Variants in PLEKHA2 observed in about 807,000 individuals in gnomAD.
PLEKHA2 encodes pleckstrin homology domain-containing family A member 2.
Under a neutral mutation model 53.2 loss-of-function variants are expected in PLEKHA2, and 28 were observed. That is an observed-to-expected ratio of 0.53 (90% CI 0.39 to 0.72). The LOEUF (loss-of-function observed/expected upper bound fraction) is 0.72. Among genes scored for constraint, PLEKHA2 ranks in the 30% least tolerant of loss-of-function variants. The probability of loss-of-function intolerance (pLI) is 0.00; values close to 1 mark genes in which losing one functional copy is unlikely to be tolerated. For missense variants in PLEKHA2, 426 were observed against 537.9 expected (o/e 0.79, Z 2.06); for synonymous variants, 193 against 196.4 (o/e 0.98, Z 0.14).
At chr8:38,952,726 C>T (rs1226013130) in intron 8 of PLEKHA2, 22 bp downstream of exon 8, 3 of 1,605,700 alleles carry the variant, frequency 1.9e-6, no homozygotes, top group Middle Eastern at 1.7e-4. Flanking sequence ...CTTTGCTGCC[C>T]TTCTGAGAGG....
In PLEKHA2 at chr8:38,918,105, G is replaced by T. The variant is rs970526079; in HGVS notation, c.141+35G>T. 1.9e-6 allele frequency: 3 copies of T among 1,601,268 alleles called. No individual in the cohort carries two copies. In the African/African-American group the frequency reaches 4.0e-5, roughly 21 times the overall value. On this transcript the variant is annotated intron_variant, in intron 2 of 11. Transcript: ENST00000617275. ...TCAGTGGGAAGGGGTGGGGCGACTG[G>T]GTGCCCATCACTGCGCCAGAGGAAT... is the stretch of plus-strand genomic sequence containing the variant.
At chr8:38,952,393 G>C (rs1340388186) in intron 7 of PLEKHA2, 81 bp downstream of exon 7, 1 of 1,530,528 alleles carries the variant, frequency 6.5e-7, no homozygotes, top group Non-Finnish European at 8.8e-7. Context: ...GAGGTGAGAG[G>C]GGATTGACAG....
In PLEKHA2 at chr8:38,946,472, G is replaced by A. The variant is rs1439984213; in HGVS notation, c.345+251G>A. On this transcript the variant is annotated intron_variant, in intron 5 of 11. Coordinates refer to ENST00000617275, the MANE Select transcript of PLEKHA2 (RefSeq NM_021623.2). The stretch of plus-strand genomic sequence containing the variant: ...CTTTGTGCTTCCTGGGAGGGCTCCC[G>A]ATCAGTCATGTTTCGGGTGATTCTG... Among the ~76,000 whole-genome samples, 5 of 152,176 alleles carry A rather than the reference G, an allele frequency of 3.3e-5. 1 individual carries two copies. The highest frequency in any genetic ancestry group is 6.6e-5 in the Admixed American group (1 of 15,260).
intron 1 of PLEKHA2, among the ~76,000 whole-genome samples, chr8:38,907,999 G>A (rs1009892695): frequency 3.9e-5 from 6 of 151,974 alleles, no homozygotes; most frequent in Non-Finnish European, 7.4e-5. Context: ...GTGACTATAG[G>A]TGCACACCAC....
At chr8:38,932,079 C>T (rs986826209) in intron 2 of PLEKHA2, among the ~76,000 whole-genome samples, 10 of 152,266 alleles carry the variant, frequency 6.6e-5, no homozygotes, top group African/African-American at 2.2e-4. Flanking sequence ...CAGCCTCGAA[C>T]TCCTGGGCTC....
chr8:38,929,354 GC>G (rs1564121225), intron 2 of PLEKHA2, among the ~76,000 whole-genome samples: 1 of 152,222 alleles, frequency 6.6e-6, no homozygotes, highest in Non-Finnish European at 1.5e-5. Context: ...ACAAGTTCCT[GC>G]CCTGCCCAGC....
At chr8:38,925,762 G>A (rs1293902174) in intron 2 of PLEKHA2, among the ~76,000 whole-genome samples, 1 of 152,218 alleles carries the variant, frequency 6.6e-6, no homozygotes, top group Admixed American at 6.5e-5. Flanking sequence ...ATGGGAGGAG[G>A]TTATAATAAC....
At chr8:38,944,062 T>C (rs1485073216) in intron 4 of PLEKHA2, among the ~76,000 whole-genome samples, 1 of 152,188 alleles carries the variant, frequency 6.6e-6, no homozygotes, top group African/African-American at 2.4e-5. Flanking sequence ...CATTTCTGTT[T>C]TCTTTCTTTT....
chr8:38,921,566 C>G (rs774346081), intron 2 of PLEKHA2, among the ~76,000 whole-genome samples: 6 of 152,220 alleles, frequency 3.9e-5, no homozygotes, highest in South Asian at 4.1e-4. Context: ...TGTGCTAAGC[C>G]TGGACGCTGT....
chr8:38,969,455 G>C lies in PLEKHA2; in HGVS notation c.950G>C (p.Arg317Pro). ...TTTTCTAGATCCATTTCTTTGACCC[G>C]ACCTGGAAGCTCCAGCCTTTCAAGT... ...TSFSRSISLTRPGSSSLSSGP... is the reference protein window; with the variant it reads ...TSFSRSISLTPPGSSSLSSGP... The change falls in exon 12 of 12, where the codon CGA becomes CCA. Residue 317 changes from arginine to proline, a missense_variant. Coordinates refer to ENST00000617275, the MANE Select transcript of PLEKHA2 (RefSeq NM_021623.2). 6.2e-7 allele frequency: 1 copy of C among 1,613,406 alleles called. No homozygotes were observed.
chr8:38,944,960 A>C (rs540399758), intron 4 of PLEKHA2, among the ~76,000 whole-genome samples: 1 of 152,346 alleles, frequency 6.6e-6, no homozygotes, highest in East Asian at 1.9e-4. Flanking sequence ...TGGAGGACTC[A>C]GAGGAGACGC....
intron 10 of PLEKHA2, among the ~76,000 whole-genome samples, chr8:38,958,685 T>C (rs971703104): frequency 6.6e-6 from 1 of 152,212 alleles, no homozygotes; most frequent in African/African-American, 2.4e-5. Context: ...GAGCTACTAA[T>C]TCACCAGCAA....
chr8:38,923,794 A>G (rs1208433295), intron 2 of PLEKHA2, among the ~76,000 whole-genome samples: 1 of 152,060 alleles, frequency 6.6e-6, no homozygotes, highest in Non-Finnish European at 1.5e-5. Flanking sequence ...CATTTTTGCT[A>G]TACATTATTT....
intron 2 of PLEKHA2, among the ~76,000 whole-genome samples, chr8:38,925,384 C>G (rs1834268229): frequency 6.6e-6 from 1 of 152,180 alleles, no homozygotes; most frequent in Non-Finnish European, 1.5e-5. Context: ...GTCCACTTGG[C>G]TAAGTAATTG....
intron 10 of PLEKHA2, among the ~76,000 whole-genome samples, chr8:38,965,657 T>A (rs1314423004): frequency 6.6e-6 from 1 of 152,202 alleles, no homozygotes; most frequent in Non-Finnish European, 1.5e-5. Context: ...TATTTGATCT[T>A]GATGATTTGA....
intron 5 of PLEKHA2, among the ~76,000 whole-genome samples, chr8:38,948,765 C>T (rs1056761876): frequency 2.6e-5 from 4 of 152,188 alleles, no homozygotes; most frequent in African/African-American, 7.2e-5. Context: ...GTCCCGGTGA[C>T]GTCCCGGCAG....
intron 1 of PLEKHA2, among the ~76,000 whole-genome samples, chr8:38,903,661 C>A (rs530543979): frequency 6.6e-6 from 1 of 152,316 alleles, no homozygotes; most frequent in East Asian, 1.9e-4. Flanking sequence ...TAGGAAGACC[C>A]AAGCAGCGTT....
At position 38,952,407 on chromosome 8, in the gene PLEKHA2, G is replaced by A. The variant is rs1049336772; in HGVS notation, c.633+95G>A. The A allele has an allele frequency of 3.3e-6, 5 of 1,503,662 alleles. No individual in the cohort carries two copies. In the African/African-American group the frequency reaches 4.1e-5, roughly 12 times the overall value. 93.1% of individuals were successfully genotyped at this position (1,503,662 alleles called of 1,614,324 possible). The stretch of plus-strand genomic sequence containing the variant: ...AGAGGTGAGAGGGGATTGACAGGAG[G>A]TGCCTCAGTCCTCCATGGAGCCTCC... On this transcript the variant is annotated intron_variant, in intron 7 of 11. Coordinates refer to ENST00000617275, the MANE Select transcript of PLEKHA2 (RefSeq NM_021623.2).
chr8:38,931,520 C>T (rs1343391126), intron 2 of PLEKHA2, among the ~76,000 whole-genome samples: 1 of 152,192 alleles, frequency 6.6e-6, no homozygotes, highest in Non-Finnish European at 1.5e-5. Flanking sequence ...CCCACAGAGG[C>T]CTTGCCTAGG....
Sources: gnomAD v4.1 joint callset for allele counts (sites outside exome capture counted in the v4.1 genomes callset) on GRCh38, gnomAD v4.1.1 for gene constraint, MANE v1.5 for transcripts, NCBI Gene and HGNC (gene_info 2026-07-23, HGNC 2026-07-21) for gene names.